Variants in GET1 observed in about 807,000 individuals in gnomAD.
The protein encoded by GET1 is congenital heart disease 5 protein.
In GET1, 20 loss-of-function variants were observed where a neutral mutation model predicts 22.6. The ratio of observed to expected loss-of-function variants is 0.89; its 90% CI spans 0.62 to 1.29. The LOEUF (loss-of-function observed/expected upper bound fraction) is 1.29. GET1 is among the 50% of genes most tolerant of loss of function. The pLI is 0.00. For missense variants in GET1, 209 were observed against 219.9 expected, an observed-to-expected ratio of 0.95 and a Z score of 0.31; for synonymous variants, 92 against 83.8, an observed-to-expected ratio of 1.10 and a Z score of -0.53.
At chr21:39,417,570 C>G (rs1390524912) in intron 1 of GET1, among the ~76,000 whole-genome samples, 3 of 151,976 alleles carry the variant, frequency 2.0e-5, no homozygotes, top group Admixed American at 6.6e-5. Context: ...CTTTTTCAGG[C>G]TGCTGATAAA....
intron 1 of GET1, among the ~76,000 whole-genome samples, chr21:39,415,757 C>G (rs1428854797): frequency 6.6e-6 from 1 of 152,164 alleles, no homozygotes; most frequent in East Asian, 1.9e-4. Flanking sequence ...TAGATTCTCA[C>G]TCTCACCTCT....
intron 1 of GET1, among the ~76,000 whole-genome samples, chr21:39,385,840 G>A (rs74399595): frequency 0.013 from 2,000 of 152,168 alleles, 40 homozygotes; most frequent in African/African-American, 0.046. Context: ...CAGAGTCCAC[G>A]CATACCGCAC....
At chr21:39,391,701 C>G in intron 2 of GET1, 68 bp from the exon 3 acceptor site, 2 of 1,408,248 alleles carry the variant, frequency 1.4e-6, no homozygotes, top group Admixed American at 3.4e-5. Flanking sequence ...AATAACATTT[C>G]TGTGTATTTG....
At chr21:39,381,096 C>T (rs1372261856) in intron 1 of GET1, among the ~76,000 whole-genome samples, 3 of 152,180 alleles carry the variant, frequency 2.0e-5, no homozygotes, top group Admixed American at 6.5e-5. Context: ...TCCTTTACCT[C>T]CCGGAGGAGT....
At chr21:39,411,822 C>T in intron 1 of GET1, 4 of 1,415,214 alleles carry the variant, frequency 2.8e-6, no homozygotes, top group Non-Finnish European at 3.9e-6. Flanking sequence ...ACCACAAAAC[C>T]AATTTTTCTA....
chr21:39,388,060 C>T (rs2038042255), intron 1 of GET1, among the ~76,000 whole-genome samples: 1 of 152,192 alleles, frequency 6.6e-6, no homozygotes, highest in South Asian at 2.1e-4. Flanking sequence ...CCCCCTCATT[C>T]CGAGATACTT....
In GET1 at chr21:39,380,339, C is replaced by T; in HGVS notation, c.-46C>T. The T allele has an allele frequency of 6.4e-7, 1 of 1,559,876 alleles. No individual in the cohort carries two copies. Among genetic ancestry groups the T allele is most frequent in the Non-Finnish European group, 8.7e-7 (1 of 1,151,838 alleles). ...GCGGTCGCCGCTGTTGTTGTGGTCC[C>T]CATGGAGCTGCCGTAGCGGACCCAG... On this transcript the variant is annotated 5_prime_UTR_variant, in exon 1 of 5. Transcript: ENST00000649170.
chr21:39,388,745 G>T (rs372022860), intron 1 of GET1, among the ~76,000 whole-genome samples: 6 of 152,178 alleles, frequency 3.9e-5, no homozygotes, highest in Admixed American at 2.6e-4. Context: ...AGATCTGCGG[G>T]CGCCACCTGG....
intron 1 of GET1, among the ~76,000 whole-genome samples, chr21:39,416,479 C>T (rs1290018352): frequency 2.0e-5 from 3 of 152,152 alleles, no homozygotes; most frequent in Non-Finnish European, 4.4e-5. Context: ...GTATTTCCTG[C>T]ACCAGACCTA....
In GET1 at chr21:39,395,022, A is replaced by G. The variant is rs200124527; in HGVS notation, c.451+1742A>G. Among the ~76,000 whole-genome samples the G allele has an allele frequency of 4.6e-5, 7 of 151,764 alleles. No homozygotes were observed. The East Asian group carries it at 9.7e-4, about 21-fold the overall frequency. On this transcript the variant is annotated intron_variant, in intron 4 of 4. Coordinates refer to ENST00000649170, the MANE Select transcript of GET1 (RefSeq NM_004627.6). ...ATAGTTAGGATCACAGTTGCACACC[A>G]CCATGCCCAGCTAATTAAAAAAAAA... is the stretch of plus-strand genomic sequence containing the variant.
downstream of GET1, among the ~76,000 whole-genome samples, chr21:39,399,612 T>C (rs1468841815): frequency 1.3e-5 from 2 of 152,126 alleles, no homozygotes; most frequent in Non-Finnish European, 2.9e-5. Context: ...GCCTATTTTT[T>C]GTATGTTTAG....
At chr21:39,398,417 T>TA (rs1375062459), downstream of GET1, among the ~76,000 whole-genome samples, 1 of 152,190 alleles carries the variant, frequency 6.6e-6, no homozygotes, top group African/African-American at 2.4e-5. Context: ...TCCATGATGA[T>TA]ACCCGTATCT....
intron 4 of GET1, among the ~76,000 whole-genome samples, chr21:39,395,956 A>G (rs533556164): frequency 1.3e-5 from 2 of 152,320 alleles, no homozygotes; most frequent in Non-Finnish European, 2.9e-5. Flanking sequence ...AAAAATAAAT[A>G]ATCTTACAGG....
At position 39,380,326 on chromosome 21, in the gene GET1, G is replaced by C. The variant is rs1327475016; in HGVS notation, c.-59G>C. The C allele has an allele frequency of 1.4e-5, 22 of 1,546,058 alleles. No individual in the cohort carries two copies. Among genetic ancestry groups the C allele is most frequent in the Non-Finnish European group, 1.8e-5 (21 of 1,144,988 alleles). ...TCACCGCGCAGGCGCGGTCGCCGCTGTTGTTGTGGTCCCCATGGAGCTGCC... is the reference window on the plus strand; with the variant it reads ...TCACCGCGCAGGCGCGGTCGCCGCTCTTGTTGTGGTCCCCATGGAGCTGCC... On this transcript the variant is annotated 5_prime_UTR_variant, in exon 1 of 5. Coordinates refer to ENST00000649170, the MANE Select transcript of GET1 (RefSeq NM_004627.6).
downstream of GET1, among the ~76,000 whole-genome samples, chr21:39,408,241 G>C (rs980621157): frequency 3.3e-5 from 5 of 152,288 alleles, no homozygotes; most frequent in Middle Eastern, 3.4e-3. Flanking sequence ...ATCTAGGCAA[G>C]TATTAATCAA....
chr21:39,410,134 G>T, downstream of GET1: 1 of 1,417,830 alleles, frequency 7.1e-7, no homozygotes, highest in Non-Finnish European at 9.9e-7. Flanking sequence ...CATTTTGGGG[G>T]GTCTAGATAA....
chr21:39,410,433 CATAAA>C (rs1355297832), downstream of GET1: 9 of 833,804 alleles, frequency 1.1e-5, no homozygotes, highest in Admixed American at 7.5e-5. Context: ...TGATTTTAAA[CATAAA>C]ATAACTTTTA....
intron 1 of GET1, chr21:39,387,837 C>T: frequency 2.0e-6 from 2 of 985,020 alleles, no homozygotes; most frequent in South Asian, 4.7e-5. Context: ...CCCTACTGTG[C>T]GGCAGGCGGA....
chr21:39,423,513 T>C, intron 1 of GET1: 1 of 1,520,598 alleles, frequency 6.6e-7, no homozygotes, highest in East Asian at 2.3e-5. Context: ...AAAATCCAGT[T>C]TATTACTAGT....
Sources: gnomAD v4.1 joint callset for allele counts (sites outside exome capture counted in the v4.1 genomes callset) on GRCh38, gnomAD v4.1.1 for gene constraint, MANE v1.5 for transcripts, NCBI Gene and HGNC (gene_info 2026-07-23, HGNC 2026-07-21) for gene names.